The following MYH7B variants were observed in gnomAD, a reference collection of about 807,000 sequenced individuals.
The protein encoded by MYH7B is myosin heavy chain 7B, also known as myosin-7B.
Under a neutral mutation model 234.5 loss-of-function variants are expected in MYH7B, and 205 were observed. The ratio of observed to expected loss-of-function variants is 0.87; its 90% CI spans 0.78 to 0.98. The LOEUF (loss-of-function observed/expected upper bound fraction) is 0.98. Among genes scored for constraint, MYH7B ranks in the 50% least tolerant of loss-of-function variants. The pLI is 0.00. For missense variants in MYH7B, 2,652 were observed against 2,633.4 expected, an observed-to-expected ratio of 1.01 and a Z score of -0.15; for synonymous variants, 1,193 against 1,105.0, an observed-to-expected ratio of 1.08 and a Z score of -1.58.
At chr20:34,985,590 A>G (rs1347729996) in intron 13 of MYH7B, among the ~76,000 whole-genome samples, 2 of 142,438 alleles carry the variant, frequency 1.4e-5, no homozygotes, top group African/African-American at 5.3e-5. Context: ...CAGTACCACC[A>G]GCTGCATAGA....
At chr20:34,981,175 C>G (rs1482644007) in intron 9 of MYH7B, 115 bp downstream of exon 9, 37 of 1,306,772 alleles carry the variant, frequency 2.8e-5, no homozygotes, top group Admixed American at 1.8e-4. Context: ...AGGACTTTTA[C>G]CACCTGGAGC....
chr20:34,987,767 G>A, exon 18 of MYH7B: 1 of 1,614,200 alleles, frequency 6.2e-7, no homozygotes, highest in Non-Finnish European at 8.5e-7. Flanking sequence ...ACCTCCAGGT[G>A]GTGTTTGCTG....
chr20:34,988,323 A>T, intron 19 of MYH7B, 61 bp downstream of exon 19: 1 of 1,539,546 alleles, frequency 6.5e-7, no homozygotes, highest in Non-Finnish European at 8.8e-7. Context: ...GCAAGCAGGG[A>T]TGGATGACCA....
At chr20:34,989,825 A>G in exon 20 of MYH7B, 1 of 1,614,144 alleles carries the variant, frequency 6.2e-7, no homozygotes, top group Non-Finnish European at 8.5e-7. Flanking sequence ...CTCTACGACA[A>G]CCACGCGGGG....
At chr20:35,000,494 G>C (rs1338943691) in exon 39 of MYH7B, 2 of 1,599,634 alleles carry the variant, frequency 1.3e-6, no homozygotes, top group Non-Finnish European at 8.5e-7. Context: ...AGGAGGAGCA[G>C]GCAGGGCGGG....
At chr20:34,980,297 C>A in intron 7 of MYH7B, 1 of 386,982 alleles carries the variant, frequency 2.6e-6, no homozygotes. Flanking sequence ...GCCTGTAATC[C>A]CAGCACTTTG....
Position 34,989,924 on chromosome 20 carries a change from G to A in MYH7B, c.1767+5G>A, listed in dbSNP as rs1211149882. 3.1e-6 allele frequency: 5 copies of A among 1,613,546 alleles called. No individual in the cohort carries two copies. Among genetic ancestry groups the A allele is most frequent in the Non-Finnish European group, 4.2e-6 (5 of 1,179,588 alleles). On this transcript the variant is annotated splice_donor_5th_base_variant and intron_variant, in intron 20 of 44. Coordinates refer to ENST00000262873, the Ensembl canonical transcript of MYH7B. ...GTGGTCCACTACGCAGGCGTGGTAG[G>A]TGCTTGCTGGAACCCCAGCCCTCGG...
In MYH7B at chr20:34,994,454, G is replaced by C. The variant is rs2082215366; in HGVS notation, c.2700+53G>C. ...GCGTCCCCAGCCCCGAGTACCCCTG[G>C]CTGCTCTGAGGGATAGTACAGCGAG... On this transcript the variant is annotated intron_variant, in intron 27 of 44. Coordinates refer to ENST00000262873, the Ensembl canonical transcript of MYH7B. The C allele has an allele frequency of 1.3e-5, 19 of 1,518,070 alleles. No individual in the cohort carries two copies. The South Asian group carries it at 2.0e-4, about 16-fold the overall frequency. The allele number at this position is 1,518,070 out of a possible 1,614,324, so 94.0% of individuals were successfully genotyped here.
chr20:34,997,511 C>A, exon 32 of MYH7B: 1 of 1,590,500 alleles, frequency 6.3e-7, no homozygotes, highest in Non-Finnish European at 8.6e-7. Flanking sequence ...AGGCGGAGGG[C>A]GCGGCGGAGC....
exon 20 of MYH7B, chr20:34,989,767 G>A: frequency 6.2e-7 from 1 of 1,614,144 alleles, no homozygotes; most frequent in Non-Finnish European, 8.5e-7. Flanking sequence ...CATCCTGGAG[G>A]AGGAATGCAT....
intron 12 of MYH7B, 25 bp downstream of exon 12, chr20:34,984,971 G>A (rs914276635): frequency 3.1e-6 from 5 of 1,610,940 alleles, no homozygotes; most frequent in Non-Finnish European, 4.2e-6. Flanking sequence ...TGGGAGGGGT[G>A]GCGGGGATGC....
At position 34,991,140 on chromosome 20, in the gene MYH7B, C is replaced by T. The variant is rs753448926; in HGVS notation, c.2183+19C>T. 28 of 1,552,734 alleles carry T rather than the reference C, an allele frequency of 1.8e-5. No homozygotes were observed. In the Admixed American group the frequency reaches 4.7e-4, roughly 26 times the overall value. ...GGCAGCGGTGGGTGACCCCTTCCCC[C>T]TGCCTGCTGCTCCAGGTGGAGGCCT... On this transcript the variant is annotated intron_variant, in intron 24 of 44. Coordinates refer to ENST00000262873, the Ensembl canonical transcript of MYH7B.
intron 24 of MYH7B, among the ~76,000 whole-genome samples, chr20:34,991,400 T>C (rs1283292804): frequency 6.6e-6 from 1 of 152,174 alleles, no homozygotes; most frequent in Non-Finnish European, 1.5e-5. Flanking sequence ...AGACGAATGA[T>C]TTCTAGTTTT....
At chr20:34,988,199 C>A (rs1462276796) in exon 19 of MYH7B, 1 of 1,614,152 alleles carries the variant, frequency 6.2e-7, no homozygotes, top group South Asian at 1.1e-5. Flanking sequence ...AGCGGGAGGG[C>A]ATCGACTGGG....
chr20:34,983,626 G>C (rs1010422829), intron 10 of MYH7B, among the ~76,000 whole-genome samples: 1 of 152,142 alleles, frequency 6.6e-6, no homozygotes, highest in Non-Finnish European at 1.5e-5. Context: ...GGGTGGGAGA[G>C]GCTGCCCGCA....
At chr20:34,964,535 C>G (rs1451538206) in intron 2 of MYH7B, among the ~76,000 whole-genome samples, 2 of 152,186 alleles carry the variant, frequency 1.3e-5, no homozygotes, top group African/African-American at 4.8e-5. Context: ...ATGGGAGCTT[C>G]TCTCTACCCA....
intron 10 of MYH7B, 68 bp downstream of exon 10, chr20:34,982,623 T>A: frequency 2.1e-5 from 8 of 385,822 alleles, no homozygotes; most frequent in Non-Finnish European, 2.7e-5. Context: ...TCTTCCTCTC[T>A]TTTTTTTTTT....
At chr20:34,974,664 A>G (rs776145145) in intron 2 of MYH7B, among the ~76,000 whole-genome samples, 5 of 152,230 alleles carry the variant, frequency 3.3e-5, no homozygotes, top group Non-Finnish European at 7.3e-5. Context: ...CCCTGACAAG[A>G]AACCCTACCT....
At chr20:34,977,514 C>A in intron 3 of MYH7B, 118 bp from the exon 4 acceptor site, 1 of 908,594 alleles carries the variant, frequency 1.1e-6, no homozygotes, top group Non-Finnish European at 1.7e-6. Context: ...TAAAAATAGC[C>A]CAGGGGCCGT....
Sources: gnomAD v4.1 joint callset for allele counts (sites outside exome capture counted in the v4.1 genomes callset) on GRCh38, gnomAD v4.1.1 for gene constraint, MANE v1.5 for transcripts, NCBI Gene and HGNC (gene_info 2026-07-23, HGNC 2026-07-21) for gene names.